KHDRBS2: variants seen among roughly 807,000 people sequenced by gnomAD.
KHDRBS2 encodes KH RNA binding domain containing, signal transduction associated 2, also known as KH domain-containing, RNA-binding, signal transduction-associated protein 2.
In KHDRBS2, 26 loss-of-function variants were observed where a neutral mutation model predicts 44.3. That is an observed-to-expected ratio of 0.59 (90% CI 0.43 to 0.81). KHDRBS2 has a LOEUF of 0.81. Among genes scored for constraint, KHDRBS2 ranks in the 40% least tolerant of loss-of-function variants. The probability of loss-of-function intolerance (pLI) is 0.00; values close to 1 mark genes in which losing one functional copy is unlikely to be tolerated. For synonymous variants in KHDRBS2, 194 were observed against 151.1 expected (o/e 1.28, Z -2.08); for missense variants, 476 against 433.1 (o/e 1.10, Z -0.88).
intron 2 of KHDRBS2, among the ~76,000 whole-genome samples, chr6:62,104,299 T>G (rs1343692334): frequency 1.8e-4 from 27 of 152,180 alleles, no homozygotes; most frequent in Admixed American, 1.0e-3. Context: ...AAGTCTTTTT[T>G]TTTTAATTAT....
At chr6:62,120,649 T>C (rs919127732) in intron 2 of KHDRBS2, among the ~76,000 whole-genome samples, 8 of 152,090 alleles carry the variant, frequency 5.3e-5, no homozygotes, top group African/African-American at 1.9e-4. Flanking sequence ...GAAGCGAAAA[T>C]GATAGGAAGC....
At chr6:61,716,899 A>T (rs1771530212) in intron 7 of KHDRBS2, among the ~76,000 whole-genome samples, 1 of 152,036 alleles carries the variant, frequency 6.6e-6, no homozygotes, top group Non-Finnish European at 1.5e-5. Context: ...TGAAGCACTG[A>T]TTGTGTATGG....
At chr6:61,587,709 T>C in the KHDRBS2 span, among the ~76,000 whole-genome samples, 1 of 152,138 alleles carries the variant, frequency 6.6e-6, no homozygotes, top group Non-Finnish European at 1.5e-5. Context: ...ATAAGAACAA[T>C]GGATTGGTTA....
At chr6:61,994,927 C>T (rs1776877723) in intron 3 of KHDRBS2, among the ~76,000 whole-genome samples, 1 of 151,814 alleles carries the variant, frequency 6.6e-6, no homozygotes, top group African/African-American at 2.4e-5. Context: ...GGAAAATATT[C>T]TAAGGGAGGC....
At chr6:61,843,623 C>T (rs540931092) in intron 6 of KHDRBS2, among the ~76,000 whole-genome samples, 2 of 152,144 alleles carry the variant, frequency 1.3e-5, no homozygotes, top group Admixed American at 1.3e-4. Flanking sequence ...CCTCAGCCTC[C>T]CAAAGTGCTG....
intron 1 of KHDRBS2, among the ~76,000 whole-genome samples, chr6:62,236,705 A>G (rs1251424380): frequency 1.3e-5 from 2 of 152,134 alleles, no homozygotes. Context: ...AATAATTAAA[A>G]AAAGCAAATA....
chr6:61,569,708 G>A, the KHDRBS2 span, among the ~76,000 whole-genome samples: 1 of 152,162 alleles, frequency 6.6e-6, no homozygotes, highest in African/African-American at 2.4e-5. Flanking sequence ...GCAGGTGCTG[G>A]TATCTACAGC....
intron 6 of KHDRBS2, 74 bp downstream of exon 6, chr6:61,894,561 G>C (rs1457869201): frequency 1.7e-6 from 2 of 1,205,012 alleles, no homozygotes; most frequent in Non-Finnish European, 2.4e-6. Context: ...CACGGTATAT[G>C]AACAGTTTGA....
At chr6:62,009,519 AC>A (rs1452280332) in intron 3 of KHDRBS2, among the ~76,000 whole-genome samples, 1 of 152,188 alleles carries the variant, frequency 6.6e-6, no homozygotes, top group Admixed American at 6.5e-5. Context: ...AATGTTAATC[AC>A]CAAGACAATG....
At chr6:61,609,630 C>T in the KHDRBS2 span, among the ~76,000 whole-genome samples, 1 of 152,056 alleles carries the variant, frequency 6.6e-6, no homozygotes, top group Non-Finnish European at 1.5e-5. Context: ...CAGCTAGTCA[C>T]TGGTTTTTAG....
At chr6:61,620,857 T>G in the KHDRBS2 span, among the ~76,000 whole-genome samples, 1 of 152,226 alleles carries the variant, frequency 6.6e-6, no homozygotes, top group African/African-American at 2.4e-5. Flanking sequence ...AAATTATTAT[T>G]TAAAGCTCCT....
chr6:62,095,407 C>T (rs1800371413), intron 2 of KHDRBS2, among the ~76,000 whole-genome samples: 1 of 151,758 alleles, frequency 6.6e-6, no homozygotes, highest in African/African-American at 2.4e-5. Flanking sequence ...CATATTTTTC[C>T]TGTACCTTTT....
the KHDRBS2 span, among the ~76,000 whole-genome samples, chr6:61,656,405 T>A: frequency 6.6e-6 from 1 of 152,122 alleles, no homozygotes; most frequent in South Asian, 2.1e-4. Flanking sequence ...AGAGGTTAAT[T>A]GACAACTAAT....
At chr6:62,132,064 AC>A (rs1285597958) in intron 2 of KHDRBS2, among the ~76,000 whole-genome samples, 1 of 152,168 alleles carries the variant, frequency 6.6e-6, no homozygotes, top group Non-Finnish European at 1.5e-5. Flanking sequence ...TAAATATCTT[AC>A]ACTTTAATAG....
At chr6:62,005,282 A>C (rs1779006700) in intron 3 of KHDRBS2, among the ~76,000 whole-genome samples, 1 of 152,052 alleles carries the variant, frequency 6.6e-6, no homozygotes, top group Non-Finnish European at 1.5e-5. Flanking sequence ...TTTATTTATA[A>C]CTAAAATATA....
At chr6:61,755,391 A>G (rs1291615248) in intron 6 of KHDRBS2, among the ~76,000 whole-genome samples, 1 of 152,126 alleles carries the variant, frequency 6.6e-6, no homozygotes, top group African/African-American at 2.4e-5. Flanking sequence ...TATGAAGGAA[A>G]CCTCCTAATG....
intron 6 of KHDRBS2, among the ~76,000 whole-genome samples, chr6:61,760,576 G>A (rs557104789): frequency 8.6e-5 from 13 of 152,016 alleles, no homozygotes; most frequent in African/African-American, 3.1e-4. Flanking sequence ...AGGCTGCAGT[G>A]AGCCTGGATC....
the KHDRBS2 span, among the ~76,000 whole-genome samples, chr6:61,593,181 T>C: frequency 4.6e-5 from 7 of 152,198 alleles, no homozygotes; most frequent in Non-Finnish European, 7.4e-5. Context: ...TTCTGCATAA[T>C]TCATAAGTCA....
chr6:61,873,634 G>GAAAAAAAAAA (rs35126124), intron 6 of KHDRBS2, among the ~76,000 whole-genome samples: 5 of 146,250 alleles, frequency 3.4e-5, no homozygotes, highest in African/African-American at 5.0e-5. Context: ...AGCAAAAAAA[G>GAAAAAAAAAA]AAAAAAAAAA....
Sources: gnomAD v4.1 joint callset for allele counts (sites outside exome capture counted in the v4.1 genomes callset) on GRCh38, gnomAD v4.1.1 for gene constraint, MANE v1.5 for transcripts, NCBI Gene and HGNC (gene_info 2026-07-23, HGNC 2026-07-21) for gene names.